Variants in NOC3L observed in about 807,000 individuals in gnomAD.
The protein encoded by NOC3L is NOC3 like DNA replication regulator, also known as nucleolar complex protein 3 homolog.
NOC3L carries 85 observed loss-of-function variants against 102.5 expected under a neutral mutation model. The ratio of observed to expected loss-of-function variants is 0.83; its 90% CI spans 0.70 to 0.99. NOC3L has a LOEUF of 0.99. Ranked by LOEUF, NOC3L falls within the 50% of genes least tolerant of loss-of-function variation. The probability of loss-of-function intolerance (pLI) is 0.00; values close to 1 mark genes in which losing one functional copy is unlikely to be tolerated. For missense variants in NOC3L, 878 were observed against 914.9 expected (o/e 0.96, Z 0.52); for synonymous variants, 303 against 309.4 (o/e 0.98, Z 0.22).
intron 2 of NOC3L, among the ~76,000 whole-genome samples, chr10:94,358,516 C>T (rs1200673083): frequency 6.6e-6 from 1 of 152,230 alleles, no homozygotes; most frequent in African/African-American, 2.4e-5. Context: ...AATAGCATTC[C>T]CAGGTTATTG....
intron 5 of NOC3L, among the ~76,000 whole-genome samples, chr10:94,355,427 G>T (rs1246594858): frequency 6.6e-6 from 1 of 150,688 alleles, no homozygotes; most frequent in Non-Finnish European, 1.5e-5. Flanking sequence ...GTCTCACTTG[G>T]TCACCTAGGC....
chr10:94,341,749 G>A lies in NOC3L; in HGVS notation c.1572-4C>T. 1 of 1,530,302 alleles carries A rather than the reference G, an allele frequency of 6.5e-7. No homozygotes were observed. The highest frequency in any genetic ancestry group is 8.8e-7 in the Non-Finnish European group (1 of 1,133,610). 94.8% of individuals were successfully genotyped at this position (1,530,302 alleles called of 1,614,324 possible). ...CACATTTATAAGGTGAGCAAACCTG[G>A]AATCAAACAAAACAGTTAATCAGTG... On this transcript the variant is annotated splice_polypyrimidine_tract_variant and splice_region_variant and intron_variant, in intron 13 of 20. Transcript: ENST00000371361.
chr10:94,350,274 T>C lies in NOC3L; in HGVS notation c.967A>G (p.Lys323Glu). ...EQMVKDWKQR[K>E]LKKSNVVSLK... The stretch of plus-strand genomic sequence containing the variant: ...GAAACTACATTACTTTTCTTCAGCT[T>C]CCTCTGCTTCCAATCTAATCAAAAG... The change falls in exon 9 of 21, where the codon AAG becomes GAG. Residue 323 changes from lysine (K) to glutamate (E), a missense_variant. Coordinates refer to ENST00000371361, the MANE Select transcript of NOC3L (RefSeq NM_022451.11). 1.2e-6 allele frequency: 2 copies of C among 1,614,092 alleles called. No individual in the cohort carries two copies. Among genetic ancestry groups the C allele is most frequent in the Non-Finnish European group, 1.7e-6 (2 of 1,179,974 alleles).
In NOC3L at chr10:94,338,676, G is replaced by A. The variant is rs766551564; in HGVS notation, c.2023C>T (p.Pro675Ser). 1.7e-5 allele frequency: 27 copies of A among 1,613,234 alleles called. No homozygotes were observed. The Admixed American group carries it at 3.5e-4, about 21-fold the overall frequency. Reference protein sequence around the residue: ...SESQGSGVFLPELDEPEYCNA... With the variant: ...SESQGSGVFLSELDEPEYCNA... ...CAGTACTCAGGCTCATCCAGTTCAG[G>A]AAGGAAAACTCCACTTCCCTGAGAT... Residue 675 changes from proline to serine, a missense_variant, in exon 18 of 21, where the codon CCT becomes TCT. Physicochemically the swap from Pro to Ser is moderately conservative, Grantham distance 74. Transcript: ENST00000371361.
intron 5 of NOC3L, 126 bp downstream of exon 5, chr10:94,356,409 A>C (rs978119500): frequency 2.3e-5 from 15 of 657,026 alleles, no homozygotes; most frequent in Middle Eastern, 4.0e-4. Context: ...AAAAATGTTC[A>C]AAGTGACCTT....
downstream of NOC3L, chr10:94,330,273 G>A (rs1195104568): frequency 2.0e-5 from 3 of 152,234 alleles, no homozygotes; most frequent in Admixed American, 2.0e-4. Context: ...AGAGAATCCA[G>A]CCTACTGCCT....
chr10:94,334,135 A>T lies in NOC3L; in HGVS notation c.*42T>A. On this transcript the variant is annotated 3_prime_UTR_variant, in exon 21 of 21. Coordinates refer to ENST00000371361, the MANE Select transcript of NOC3L (RefSeq NM_022451.11). The stretch of plus-strand genomic sequence containing the variant: ...ACAACTCATCTTTATGTACATCTGC[A>T]CACACAAATATACAAGAAAGTCCAC... 3.4e-6 allele frequency: 3 copies of T among 880,236 alleles called. No homozygotes were observed. Among genetic ancestry groups the T allele is most frequent in the Non-Finnish European group, 5.6e-6 (3 of 533,254 alleles). The allele number at this position is 880,236 out of a possible 1,614,324, so 54.5% of individuals were successfully genotyped here.
At chr10:94,324,638 G>A in the NOC3L span, 1 of 1,276,686 alleles carries the variant, frequency 7.8e-7, no homozygotes, top group African/African-American at 1.5e-5. Flanking sequence ...AGCCAGATCT[G>A]GAAGCTGGTG....
intron 2 of NOC3L, among the ~76,000 whole-genome samples, chr10:94,358,972 T>C (rs2054520111): frequency 6.6e-6 from 1 of 152,062 alleles, no homozygotes; most frequent in African/African-American, 2.4e-5. Flanking sequence ...GCTCACTGTC[T>C]GCGTCTTGCT....
At chr10:94,316,461 C>T in the NOC3L span, 18 of 825,566 alleles carry the variant, frequency 2.2e-5, no homozygotes, top group African/African-American at 2.7e-4. Flanking sequence ...TTATAAATTG[C>T]ATAGCAAACC....
rs1393669841 is a variant in NOC3L, at chr10:94,344,907, C to T, written c.1416G>A (p.Glu472=). 12 of 1,610,990 alleles carry T rather than the reference C, an allele frequency of 7.4e-6. No individual in the cohort carries two copies. In the South Asian group the frequency reaches 1.1e-4, roughly 15 times the overall value. Residue 472 remains glutamate (E), a synonymous_variant, in exon 12 of 21, where the codon GAG becomes GAA. Transcript: ENST00000371361. The part of the protein sequence containing the change: ...RKWKKAEEKL[E]RELREAEASE... ...AAGCTTCTGCCTCTCGAAGCTCTCG[C>T]TCTAGTTTCTCTTCTGCTTTCTTCC...
the NOC3L span, among the ~76,000 whole-genome samples, chr10:94,326,616 A>C: frequency 2.0e-5 from 3 of 152,240 alleles, no homozygotes; most frequent in South Asian, 2.1e-4. Flanking sequence ...GTACAGAAGA[A>C]TACAACTCCA....
In NOC3L at chr10:94,347,349, G is replaced by A. The variant is rs138080285; in HGVS notation, c.1258-793C>T. 4.9e-4 allele frequency among the ~76,000 whole-genome samples: 74 copies of A among 152,260 alleles called. No homozygotes were observed. The Middle Eastern group carries it at 0.01, about 21-fold the overall frequency. On this transcript the variant is annotated intron_variant, in intron 10 of 20. Coordinates refer to ENST00000371361, the MANE Select transcript of NOC3L (RefSeq NM_022451.11). ...CTGAAGTCATTCTAGGTATCAGAAAGACCAACTCTGAATATTTTGTAGGTA... is the reference window on the plus strand; with the variant it reads ...CTGAAGTCATTCTAGGTATCAGAAAAACCAACTCTGAATATTTTGTAGGTA...
At chr10:94,337,514 T>C (rs553917794) in intron 19 of NOC3L, among the ~76,000 whole-genome samples, 2 of 152,194 alleles carry the variant, frequency 1.3e-5, no homozygotes, top group South Asian at 2.1e-4. Context: ...CATTCTACTA[T>C]CCTGTATGTG....
intron 18 of NOC3L, 97 bp from the exon 19 acceptor site, chr10:94,337,971 AT>A (rs1052308682): frequency 3.1e-4 from 264 of 841,616 alleles, no homozygotes; most frequent in African/African-American, 9.5e-4. Context: ...ATTACACCAA[AT>A]TTTTTTTCAT....
chr10:94,337,770 A>ATAT lies in NOC3L; in HGVS notation c.2189+4_2189+6dup, dbSNP rs746657349. ...TAGTTTTAGAATAAGGCAATGCTAA[A>ATAT]TATTACCTTCGACTCAACTCTGGTT... On this transcript the variant is annotated splice_region_variant and intron_variant, in intron 19 of 20. Transcript: ENST00000371361. 1.3e-6 allele frequency: 2 copies of ATAT among 1,592,724 alleles called. No homozygotes were observed. Among genetic ancestry groups the ATAT allele is most frequent in the African/African-American group, 2.7e-5 (2 of 74,600 alleles).
chr10:94,325,836 T>C, the NOC3L span, among the ~76,000 whole-genome samples: 1 of 152,164 alleles, frequency 6.6e-6, no homozygotes, highest in Non-Finnish European at 1.5e-5. Context: ...TCTCGTTTTA[T>C]TACTGTTCTA....
At chr10:94,324,254 C>A in the NOC3L span, 1 of 953,214 alleles carries the variant, frequency 1.0e-6, no homozygotes, top group Non-Finnish European at 1.7e-6. Context: ...CATCTCTAGT[C>A]TGGGCCATTT....
chr10:94,340,980 CA>C (rs71485908), intron 14 of NOC3L, among the ~76,000 whole-genome samples: 2,182 of 67,724 alleles, frequency 0.032, 43 homozygotes, highest in African/African-American at 0.088. Context: ...GACTCCCTCT[CA>C]AAAAAAAAAA....
Sources: allele counts gnomAD v4.1 joint callset (sites outside exome capture counted in the v4.1 genomes callset), GRCh38; gene constraint gnomAD v4.1.1; transcripts MANE v1.5; gene names NCBI Gene and HGNC (gene_info 2026-07-23, HGNC 2026-07-21).